The following ADAMTS14 variants were observed in gnomAD, a reference collection of about 807,000 sequenced individuals.
ADAMTS14 encodes A disintegrin and metalloproteinase with thrombospondin motifs 14.
In ADAMTS14, 100 loss-of-function variants were observed where a neutral mutation model predicts 128.6. The ratio of observed to expected loss-of-function variants is 0.78; its 90% CI spans 0.66 to 0.92. The LOEUF (loss-of-function observed/expected upper bound fraction) is 0.92. ADAMTS14 is among the 40% of genes least tolerant of loss of function. The pLI is 0.00. For missense variants in ADAMTS14, 1,562 were observed against 1,658.6 expected (o/e 0.94, Z 1.01); for synonymous variants, 665 against 653.8 (o/e 1.02, Z -0.26).
intron 16 of ADAMTS14, among the ~76,000 whole-genome samples, chr10:70,751,065 T>A (rs1383944922): frequency 6.6e-6 from 1 of 152,090 alleles, no homozygotes; most frequent in Non-Finnish European, 1.5e-5. Flanking sequence ...ACCTGCAGAA[T>A]GGGGGAAAAT....
rs375072967 is a variant in ADAMTS14, at chr10:70,708,613, C to T, written c.705C>T (p.Asn235=). Residue 235 remains asparagine, a synonymous_variant, in exon 4 of 22, where the codon AAC becomes AAT. Transcript: ENST00000373207. The stretch of plus-strand genomic sequence containing the variant: ...CCTTTGGCCTGGGAGACCTTCCCAA[C>T]CTGCTGGGCCTGGTGGGGGACCAGC... ...NEAFGLGDLP[N]LLGLVGDQLG... The T allele has an allele frequency of 6.2e-7, 1 of 1,608,182 alleles. No homozygotes were observed. Among genetic ancestry groups the T allele is most frequent in the African/African-American group, 1.3e-5 (1 of 74,824 alleles).
chr10:70,719,959 C>A lies in ADAMTS14; in HGVS notation c.871-9335C>A, dbSNP rs115241513. Among the ~76,000 whole-genome samples the A allele has an allele frequency of 2.8e-3, 422 of 152,360 alleles. 9 individuals carry two copies. Among genetic ancestry groups the A allele is most frequent in the African/African-American group, 9.6e-3 (400 of 41,582 alleles). On this transcript the variant is annotated intron_variant, in intron 4 of 21. Coordinates refer to ENST00000373207, the MANE Select transcript of ADAMTS14 (RefSeq NM_080722.4). Reference sequence around the variant, plus strand: ...CACACAAGCTGCCAGCCTGGGACATCGAGGCTGCTGCGTTTCACAAATAGG... The same window carrying A: ...CACACAAGCTGCCAGCCTGGGACATAGAGGCTGCTGCGTTTCACAAATAGG...
At chr10:70,737,839 A>G (rs1448580228) in intron 10 of ADAMTS14, among the ~76,000 whole-genome samples, 1 of 152,148 alleles carries the variant, frequency 6.6e-6, no homozygotes, top group Admixed American at 6.5e-5. Context: ...AACCCCTCCT[A>G]TAGAACAAGA....
chr10:70,744,033 G>A (rs754701794), intron 13 of ADAMTS14, 33 bp from the exon 14 acceptor site: 1 of 1,551,278 alleles, frequency 6.4e-7, no homozygotes, highest in Non-Finnish European at 8.7e-7. Context: ...GGGCAGGGGA[G>A]CCTCCTCCCA....
intron 12 of ADAMTS14, 47 bp downstream of exon 12, chr10:70,741,209 CG>C (rs1841990835): frequency 3.8e-6 from 6 of 1,590,748 alleles, no homozygotes; most frequent in East Asian, 4.5e-5. Context: ...TAGGCATCTG[CG>C]GGGGCTGTGT....
At chr10:70,714,038 A>T (rs1001159013) in intron 4 of ADAMTS14, among the ~76,000 whole-genome samples, 38 of 152,114 alleles carry the variant, frequency 2.5e-4, no homozygotes, top group Admixed American at 1.3e-4. Context: ...AAAAAAATTT[A>T]AAAAATTAGC....
chr10:70,674,046 A>C (rs1839564698), intron 1 of ADAMTS14, among the ~76,000 whole-genome samples: 1 of 151,922 alleles, frequency 6.6e-6, no homozygotes, highest in Non-Finnish European at 1.5e-5. Flanking sequence ...CTGCAGCCCC[A>C]CCTTCTCCTT....
chr10:70,675,463 C>T (rs565181742), intron 2 of ADAMTS14, among the ~76,000 whole-genome samples: 1 of 152,316 alleles, frequency 6.6e-6, no homozygotes, highest in Admixed American at 6.5e-5. Flanking sequence ...GCCTGCCTAA[C>T]TGGGCAGTGC....
chr10:70,712,291 A>G (rs1383505325), intron 4 of ADAMTS14, among the ~76,000 whole-genome samples: 4 of 152,184 alleles, frequency 2.6e-5, no homozygotes, highest in Non-Finnish European at 4.4e-5. Context: ...CAGGATGCCC[A>G]AGAGTGGTAG....
At chr10:70,756,793 G>C (rs542822596) in intron 19 of ADAMTS14, among the ~76,000 whole-genome samples, 69 of 152,312 alleles carry the variant, frequency 4.5e-4, no homozygotes, top group African/African-American at 1.6e-3. Flanking sequence ...TGGCCCAGTG[G>C]AGAATTTAAT....
intron 15 of ADAMTS14, among the ~76,000 whole-genome samples, chr10:70,749,551 A>G (rs976944253): frequency 1.3e-5 from 2 of 152,202 alleles, no homozygotes; most frequent in African/African-American, 4.8e-5. Flanking sequence ...AGGCAGGAAG[A>G]AAGGAAGGCA....
rs1357956116 is a variant in ADAMTS14 at position 70,674,674 on chromosome 10, C to G, written c.201C>G (p.Ser67Arg). 1.2e-6 allele frequency: 2 copies of G among 1,613,556 alleles called. No homozygotes were observed. Among genetic ancestry groups the G allele is most frequent in the African/African-American group, 2.7e-5 (2 of 75,062 alleles). The change falls in exon 2 of 22, where the codon AGC becomes AGG. Residue 67 changes from serine to arginine, a missense_variant. Ser to Arg is a moderately radical substitution (Grantham distance 110, BLOSUM62 -1). Transcript: ENST00000373207. ...VSGPAAASAG[S>R]MVVDTPPTLP... is the part of the protein sequence containing the mutation. Reference sequence around the variant, plus strand: ...GCCCAGCAGCAGCCTCTGCAGGGAGCATGGTAGTGGACACGCCACCCACAC... The same window carrying G: ...GCCCAGCAGCAGCCTCTGCAGGGAGGATGGTAGTGGACACGCCACCCACAC...
intron 12 of ADAMTS14, among the ~76,000 whole-genome samples, chr10:70,741,464 C>T (rs1841997783): frequency 6.6e-6 from 1 of 152,206 alleles, no homozygotes; most frequent in Admixed American, 6.5e-5. Flanking sequence ...ACAGGTGTTG[C>T]CAAGGCCGGC....
At chr10:70,752,627 C>G (rs1226059451) in intron 18 of ADAMTS14, among the ~76,000 whole-genome samples, 2 of 152,158 alleles carry the variant, frequency 1.3e-5, no homozygotes, top group Non-Finnish European at 2.9e-5. Context: ...GAGCCGGCCT[C>G]AAGACCTCCT....
chr10:70,732,394 G>C (rs774132145), intron 7 of ADAMTS14, 35 bp downstream of exon 7: 1 of 1,554,074 alleles, frequency 6.4e-7, no homozygotes, highest in South Asian at 1.1e-5. Context: ...GGGACTGGCA[G>C]CTGTGCCGTG....
chr10:70,736,507 G>A (rs1841830861), intron 9 of ADAMTS14, among the ~76,000 whole-genome samples, 173 bp from the exon 10 acceptor site: 1 of 152,172 alleles, frequency 6.6e-6, no homozygotes, highest in South Asian at 2.1e-4. Context: ...GTCCCTGGAG[G>A]CTGCCGGTAC....
At chr10:70,744,253 G>A in intron 14 of ADAMTS14, 64 bp downstream of exon 14, 1 of 1,461,036 alleles carries the variant, frequency 6.8e-7, no homozygotes, top group Non-Finnish European at 9.1e-7. Context: ...TCCCTCAGGG[G>A]GCCCTCCCTC....
chr10:70,730,385 G>A (rs1229016100), intron 6 of ADAMTS14, 136 bp downstream of exon 6: 15 of 1,229,326 alleles, frequency 1.2e-5, no homozygotes, highest in South Asian at 3.4e-5. Context: ...CTGGACAGCC[G>A]AGGATGAGCT....
At chr10:70,732,986 T>A (rs1402620215) in intron 7 of ADAMTS14, among the ~76,000 whole-genome samples, 6 of 152,148 alleles carry the variant, frequency 3.9e-5, no homozygotes, top group African/African-American at 1.2e-4. Context: ...AGAGAAGCCC[T>A]CAAGAGGCTA....
Sources: allele counts gnomAD v4.1 joint callset (sites outside exome capture counted in the v4.1 genomes callset), GRCh38; gene constraint gnomAD v4.1.1; transcripts MANE v1.5; gene names NCBI Gene and HGNC (gene_info 2026-07-23, HGNC 2026-07-21).